Variants in FHAD1 observed in about 807,000 individuals in gnomAD.
The protein encoded by FHAD1 is forkhead-associated domain-containing protein 1.
Under a neutral mutation model 191.3 loss-of-function variants are expected in FHAD1, and 146 were observed. The observed-to-expected ratio is 0.76, with a 90% CI of 0.67 to 0.88. The LOEUF (loss-of-function observed/expected upper bound fraction) is 0.88. Among genes scored for constraint, FHAD1 ranks in the 40% least tolerant of loss-of-function variants. The pLI is 0.00. For synonymous variants in FHAD1, 616 were observed against 672.3 expected, an observed-to-expected ratio of 0.92 and a Z score of 1.29; for missense variants, 1,635 against 1,785.8, an observed-to-expected ratio of 0.92 and a Z score of 1.52.
chr1:15,343,131 A>G (rs1364819365), intron 16 of FHAD1, among the ~76,000 whole-genome samples: 54 of 152,164 alleles, frequency 3.5e-4, no homozygotes, highest in Non-Finnish European at 1.8e-4. Flanking sequence ...GACCCCTCCC[A>G]TGAATTTCAC....
rs184426913 is a variant in FHAD1 at position 15,247,742 on chromosome 1, C to G, written c.-15+347C>G. 1.8e-3 allele frequency among the ~76,000 whole-genome samples: 277 copies of G among 152,258 alleles called. 1 individual carries two copies. Among genetic ancestry groups the G allele is most frequent in the African/African-American group, 5.8e-3 (243 of 41,542 alleles). On this transcript the variant is annotated intron_variant, in intron 1 of 33. Transcript: ENST00000688493. The stretch of plus-strand genomic sequence containing the variant: ...CACCCGGCGGTCAGAGAGACTCCCC[C>G]CTTGCCTAACCTCTCCCTTCCCAAA...
intron 10 of FHAD1, among the ~76,000 whole-genome samples, chr1:15,323,286 G>A (rs1294328521): frequency 6.6e-6 from 1 of 152,190 alleles, no homozygotes; most frequent in Non-Finnish European, 1.5e-5. Flanking sequence ...CAGAGCTGGG[G>A]CTGGGGGCGG....
Position 15,299,199 on chromosome 1 carries a change from C to CAA in FHAD1, c.679-1989_679-1988dup, listed in dbSNP as rs35299485. Among the ~76,000 whole-genome samples the CAA allele has an allele frequency of 1.2e-3, 54 of 46,196 alleles. 1 individual carries two copies. The highest frequency in any genetic ancestry group is 1.7e-3 in the Non-Finnish European group (41 of 23,762). The allele number at this position is 46,196 out of a possible 152,430, so 30.3% of individuals were successfully genotyped here. A position where few individuals can be genotyped will look rare whatever the true frequency, so the allele number is the denominator to read the frequency against. On this transcript the variant is annotated intron_variant, in intron 5 of 33. Coordinates refer to ENST00000688493, the MANE Select transcript of FHAD1 (RefSeq NM_001391957.1). ...TGGGTGACAGAGCAAGACCCTGTCTCAAAAAAAAAAAAAAAAAAGGAAAAA... is the reference window on the plus strand; with the variant it reads ...TGGGTGACAGAGCAAGACCCTGTCTCAAAAAAAAAAAAAAAAAAAAGGAAAAA...
At chr1:15,339,375 C>A in intron 14 of FHAD1, 106 bp from the exon 15 acceptor site, 1 of 434,330 alleles carries the variant, frequency 2.3e-6, no homozygotes. Flanking sequence ...GGTTGGATGG[C>A]AGCTCACGTT....
intron 26 of FHAD1, among the ~76,000 whole-genome samples, chr1:15,373,204 A>G (rs1256210565): frequency 6.6e-6 from 1 of 152,164 alleles, no homozygotes; most frequent in African/African-American, 2.4e-5. Flanking sequence ...AAAAGGGTAC[A>G]TGACCCTTAA....
chr1:15,243,661 C>T (rs1036013333), upstream of FHAD1, among the ~76,000 whole-genome samples: 2 of 152,230 alleles, frequency 1.3e-5, no homozygotes, highest in Admixed American at 6.5e-5. Context: ...AGGAACGAAG[C>T]CTAGTGCCCA....
chr1:15,361,302 T>C (rs1694734358), intron 22 of FHAD1, among the ~76,000 whole-genome samples: 1 of 152,218 alleles, frequency 6.6e-6, no homozygotes, highest in Admixed American at 6.5e-5. Context: ...TGGATGGGAC[T>C]GTCCTGGGCA....
upstream of FHAD1, among the ~76,000 whole-genome samples, chr1:15,243,968 A>G (rs888436536): frequency 1.3e-5 from 2 of 152,112 alleles, no homozygotes; most frequent in African/African-American, 4.8e-5. Context: ...ATTTCCTACA[A>G]TATGGGCTTC....
chr1:15,301,110 G>A (rs977282333), intron 5 of FHAD1, 95 bp from the exon 6 acceptor site: 41 of 1,078,950 alleles, frequency 3.8e-5, no homozygotes, highest in African/African-American at 1.1e-4. Context: ...GATTACAGGC[G>A]TGAGCCACCG....
intron 32 of FHAD1, among the ~76,000 whole-genome samples, chr1:15,390,867 A>T (rs1257850911): frequency 6.6e-6 from 1 of 152,074 alleles, no homozygotes; most frequent in East Asian, 1.9e-4. Flanking sequence ...TTGCTCTGGG[A>T]GGCGCTGCCT....
rs74378412 is a variant in FHAD1, at chr1:15,390,957, A to C, written c.4270-253A>C. ...GTTGAGCAGCCTCCACCTCTGCTGGAATCTAGAACAGAGACCCCCAAGAGA... is the reference window on the plus strand; with the variant it reads ...GTTGAGCAGCCTCCACCTCTGCTGGCATCTAGAACAGAGACCCCCAAGAGA... On this transcript the variant is annotated intron_variant, in intron 32 of 33. Coordinates refer to ENST00000688493, the MANE Select transcript of FHAD1 (RefSeq NM_001391957.1). Among the ~76,000 whole-genome samples the C allele has an allele frequency of 2.9e-3, 439 of 152,162 alleles. 1 individual carries two copies. The highest frequency in any genetic ancestry group is 0.01 in the African/African-American group (425 of 41,514).
intron 9 of FHAD1, among the ~76,000 whole-genome samples, chr1:15,317,563 A>C (rs914468948): frequency 6.6e-6 from 1 of 152,258 alleles, no homozygotes; most frequent in Non-Finnish European, 1.5e-5. Context: ...TGTAGTCCTT[A>C]ATCCAGGAGC....
intron 28 of FHAD1, among the ~76,000 whole-genome samples, chr1:15,379,407 G>A (rs1445727113): frequency 2.0e-5 from 3 of 152,252 alleles, no homozygotes; most frequent in Non-Finnish European, 4.4e-5. Flanking sequence ...CAGCCCTAAG[G>A]CGGTTTTTCC....
intron 23 of FHAD1, 26 bp from the exon 24 acceptor site, chr1:15,365,801 A>T (rs1387293283): frequency 6.9e-7 from 1 of 1,450,720 alleles, no homozygotes; most frequent in East Asian, 2.5e-5. Flanking sequence ...AGTTGAACTG[A>T]CTTCACCTGT....
rs527378970 is a variant in FHAD1 at position 15,309,471 on chromosome 1, C to CAG, written c.1039+743_1039+744dup. Among the ~76,000 whole-genome samples the CAG allele has an allele frequency of 2.6e-4, 39 of 152,248 alleles. 2 individuals carry two copies. In the East Asian group the frequency reaches 7.5e-3, roughly 29 times the overall value. On this transcript the variant is annotated intron_variant, in intron 7 of 33. Coordinates refer to ENST00000688493, the MANE Select transcript of FHAD1 (RefSeq NM_001391957.1). ...AAAAGATAAATGAACAAGCCCATAC[C>CAG]AGAGAGAGATCAGTGCTCCAGAGGA... is the stretch of plus-strand genomic sequence containing the variant.
intron 3 of FHAD1, among the ~76,000 whole-genome samples, chr1:15,285,469 G>A (rs1662108017): frequency 6.6e-6 from 1 of 152,124 alleles, no homozygotes. Context: ...GGAGGCGGAG[G>A]TTGCAGTGAG....
chr1:15,297,679 C>T (rs1667389468), intron 5 of FHAD1, among the ~76,000 whole-genome samples: 1 of 152,196 alleles, frequency 6.6e-6, no homozygotes. Context: ...GGTTCTCCTG[C>T]TGGTGTCTTC....
intron 1 of FHAD1, among the ~76,000 whole-genome samples, chr1:15,249,230 G>T (rs560754752): frequency 8.6e-5 from 13 of 151,842 alleles, no homozygotes; most frequent in African/African-American, 3.1e-4. Flanking sequence ...GACGCCTTTA[G>T]CTGGGGTGGT....
rs781746121 is a variant in FHAD1, at chr1:15,276,111, C to T, written c.300+3582C>T. ...CTGCCCCACACAGTTCTGCCCTGCT[C>T]TTGACCAGCTGTGGGATCATGCACA... is the stretch of plus-strand genomic sequence containing the variant. On this transcript the variant is annotated intron_variant, in intron 3 of 33. Coordinates refer to ENST00000688493, the MANE Select transcript of FHAD1 (RefSeq NM_001391957.1). This position sits in a 1 kb window ranked among gnomAD's most constrained non-coding sequence, Gnocchi z 4.7. Among the ~76,000 whole-genome samples, 1 of 152,230 alleles carries T rather than the reference C, an allele frequency of 6.6e-6. No homozygotes were observed. Among genetic ancestry groups the T allele is most frequent in the Non-Finnish European group, 1.5e-5 (1 of 68,038 alleles).
Sources: gnomAD v4.1 joint callset for allele counts (sites outside exome capture counted in the v4.1 genomes callset) on GRCh38, gnomAD v4.1.1 for gene constraint, Gnocchi (gnomAD v3.1) non-coding constraint, MANE v1.5 for transcripts, NCBI Gene and HGNC (gene_info 2026-07-23, HGNC 2026-07-21) for gene names.